Variants in PUS7L observed in about 807,000 individuals in gnomAD.
PUS7L encodes pseudouridylate synthase PUS7L.
In PUS7L, 49 loss-of-function variants were observed where a neutral mutation model predicts 51.1. The observed-to-expected ratio is 0.96, with a 90% confidence interval of 0.76 to 1.22. PUS7L has a LOEUF of 1.22. Ranked by LOEUF, PUS7L falls within the 50% of genes most tolerant of loss-of-function variation. The probability of loss-of-function intolerance (pLI) is 0.00; values close to 1 mark genes in which losing one functional copy is unlikely to be tolerated. For missense variants in PUS7L, 828 were observed against 820.6 expected (o/e 1.01, Z -0.11); for synonymous variants, 277 against 276.2 (o/e 1.00, Z -0.03).
Position 43,754,643 on chromosome 12 carries a change from A to G in PUS7L, c.603T>C (p.Leu201=), listed in dbSNP as rs762387813. 3.1e-6 allele frequency: 5 copies of G among 1,613,620 alleles called. No individual in the cohort carries two copies. In the South Asian group the frequency reaches 5.5e-5, roughly 18 times the overall value. The part of the protein sequence containing the change: ...KNSEIVVKPN[L]EYKELCHLVS... ...CCAAATGACAAAGTTCTTTATATTC[A>G]AGATTTGGTTTTACAACAATTTCAC... Residue 201 remains leucine, a synonymous_variant, in exon 2 of 9, where the codon CTT becomes CTC. Transcript: ENST00000344862.
intron 1 of PUS7L, 197 bp downstream of exon 1, chr12:43,758,533 G>C (rs1938985272): frequency 1.0e-6 from 1 of 985,826 alleles, no homozygotes; most frequent in Non-Finnish European, 1.2e-6. Flanking sequence ...TCCCCGACAA[G>C]GCCAGCAGCT....
chr12:43,750,114 C>T (rs1157978902), intron 2 of PUS7L, among the ~76,000 whole-genome samples: 1 of 152,194 alleles, frequency 6.6e-6, no homozygotes, highest in Admixed American at 6.5e-5. Context: ...TCTTGAAGGT[C>T]CAACAGCAGC....
At chr12:43,731,059 C>G (rs987985779) in intron 8 of PUS7L, among the ~76,000 whole-genome samples, 5 of 152,144 alleles carry the variant, frequency 3.3e-5, no homozygotes, top group African/African-American at 9.7e-5. Flanking sequence ...CTCTACTGCT[C>G]AGTCACATTA....
chr12:43,756,682 C>T (rs1433588750), intron 1 of PUS7L, among the ~76,000 whole-genome samples: 10 of 152,310 alleles, frequency 6.6e-5, no homozygotes, highest in East Asian at 3.9e-4. Flanking sequence ...TCCACTGTCA[C>T]GGTCATAACT....
At chr12:43,758,523 TC>T (rs989316990) in intron 1 of PUS7L, 2 of 985,558 alleles carry the variant, frequency 2.0e-6, no homozygotes, top group African/African-American at 1.7e-5. Flanking sequence ...TCCAAAGGTG[TC>T]CCCGACAAGG....
At chr12:43,748,169 AT>A (rs1275783184) in intron 3 of PUS7L, among the ~76,000 whole-genome samples, 1 of 152,200 alleles carries the variant, frequency 6.6e-6, no homozygotes, top group Non-Finnish European at 1.5e-5. Flanking sequence ...TAATAAATAT[AT>A]GTCTTTTACA....
intron 4 of PUS7L, 61 bp from the exon 5 acceptor site, chr12:43,742,616 C>T: frequency 6.7e-7 from 1 of 1,483,410 alleles, no homozygotes; most frequent in South Asian, 1.3e-5. Flanking sequence ...TGTCAAAATA[C>T]ACAATTGAAT....
In PUS7L at chr12:43,754,896, T is replaced by C; in HGVS notation, c.350A>G (p.Lys117Arg). 6.2e-7 allele frequency: 1 copy of C among 1,613,870 alleles called. No individual in the cohort carries two copies. Among genetic ancestry groups the C allele is most frequent in the South Asian group, 1.1e-5 (1 of 91,054 alleles). The change falls in exon 2 of 9, where the codon AAA (lysine) becomes AGA (arginine). Residue 117 changes from lysine to arginine, a missense_variant. By Grantham distance (26) the Lys-to-Arg change is conservative. Transcript: ENST00000344862. Reference sequence around the variant, plus strand: ...TAAAACATCAGCTTTTTCTTCACATTTGGAAGTTCCATCAACGATAGTATC... The same window carrying C: ...TAAAACATCAGCTTTTTCTTCACATCTGGAAGTTCCATCAACGATAGTATC... ...KEDTIVDGTS[K>R]CEEKADVLSS...
At chr12:43,741,475 C>T (rs1372681198) in intron 5 of PUS7L, among the ~76,000 whole-genome samples, 2 of 152,188 alleles carry the variant, frequency 1.3e-5, no homozygotes, top group Non-Finnish European at 2.9e-5. Flanking sequence ...ACACATGTGA[C>T]AAATGGCAGA....
chr12:43,748,449 C>T lies in PUS7L; in HGVS notation c.1070+1G>A, dbSNP rs1938277597. The T allele has an allele frequency of 1.3e-6, 2 of 1,576,904 alleles. No individual in the cohort carries two copies. The highest frequency in any genetic ancestry group is 4.5e-5 in the East Asian group (2 of 44,668). On this transcript the variant is annotated splice_donor_variant, in intron 3 of 8. Coordinates refer to ENST00000344862, the MANE Select transcript of PUS7L (RefSeq NM_031292.5). LOFTEE classifies it high-confidence loss of function. ...CCTAAAATTTCTTAATATCTTATTACCTCTCTGGAGTCACTTTTCTAACAA... is the reference window on the plus strand; with the variant it reads ...CCTAAAATTTCTTAATATCTTATTATCTCTCTGGAGTCACTTTTCTAACAA...
At chr12:43,747,554 C>T (rs1027299000) in intron 3 of PUS7L, among the ~76,000 whole-genome samples, 27 of 151,868 alleles carry the variant, frequency 1.8e-4, no homozygotes, top group African/African-American at 6.5e-4. Flanking sequence ...ATTAGCCAGG[C>T]ATGGTGGTGG....
In PUS7L at chr12:43,742,559, T is replaced by C. The variant is rs1198575362; in HGVS notation, c.1264-4A>G. 2.5e-6 allele frequency: 4 copies of C among 1,590,036 alleles called. No individual in the cohort carries two copies. In the South Asian group the frequency reaches 3.4e-5, roughly 14 times the overall value. On this transcript the variant is annotated splice_polypyrimidine_tract_variant and splice_region_variant and intron_variant, in intron 4 of 8. Transcript: ENST00000344862. ...AGTAATTCACAAAGCCTTTTTTCTA[T>C]GTATACAAAATAATCAACAAATTAA...
At chr12:43,753,565 T>C (rs1034124915) in intron 2 of PUS7L, among the ~76,000 whole-genome samples, 2 of 152,184 alleles carry the variant, frequency 1.3e-5, no homozygotes, top group African/African-American at 4.8e-5. Context: ...ATTTATTAAA[T>C]ATGATCATCT....
rs570470946 is a variant in PUS7L at position 43,724,589 on chromosome 12, T to C, written c.*5787A>G. 3.9e-5 allele frequency: 6 copies of C among 152,246 alleles called. No homozygotes were observed. In the East Asian group the frequency reaches 1.2e-3, roughly 29 times the overall value. 9.4% of individuals were successfully genotyped at this position (152,246 alleles called of 1,614,324 possible). On this transcript the variant is annotated 3_prime_UTR_variant, in exon 9 of 9. Transcript: ENST00000344862. ...CATAATGTCTCAAATTTGTATATAT[T>C]TCATAATTTTGTTTGATGCAATACT...
intron 2 of PUS7L, among the ~76,000 whole-genome samples, chr12:43,753,824 A>G (rs935765164): frequency 1.3e-5 from 2 of 152,182 alleles, no homozygotes; most frequent in African/African-American, 4.8e-5. Context: ...TATGCATGCT[A>G]AAGTTTCAGA....
At position 43,754,848 on chromosome 12, in the gene PUS7L, GT is replaced by G; in HGVS notation, c.397del (p.Thr133LeufsTer5). ...DVLSSFLDEK[T>X]HELLNNFACD... ...GGCAAAATTATTCAGTAACTCATGA[GT>G]TTTTTCATCCAAAAAGGAGCTTAAA... On this transcript the variant is annotated frameshift_variant, in exon 2 of 9. Coordinates refer to ENST00000344862, the MANE Select transcript of PUS7L (RefSeq NM_031292.5). LOFTEE classifies it high-confidence loss of function. 1.2e-6 allele frequency: 2 copies of G among 1,613,588 alleles called. No individual in the cohort carries two copies. Among genetic ancestry groups the G allele is most frequent in the Non-Finnish European group, 1.7e-6 (2 of 1,179,786 alleles).
chr12:43,757,270 G>T (rs183564866), intron 1 of PUS7L, among the ~76,000 whole-genome samples: 1 of 151,998 alleles, frequency 6.6e-6, no homozygotes, highest in Non-Finnish European at 1.5e-5. Context: ...TCCCGAGTTC[G>T]AGCGATTCTC....
chr12:43,736,708 G>A, intron 6 of PUS7L, 47 bp from the exon 7 acceptor site: 1 of 1,550,674 alleles, frequency 6.4e-7, no homozygotes, highest in South Asian at 1.2e-5. Flanking sequence ...TTTATTTAAA[G>A]GCCAGTTATA....
In PUS7L at chr12:43,720,305, G is replaced by A. The variant is rs550358306; in HGVS notation, c.*10071C>T. 2 of 152,260 alleles carry A rather than the reference G, an allele frequency of 1.3e-5. No homozygotes were observed. The highest frequency in any genetic ancestry group is 1.9e-4 in the East Asian group (1 of 5,190). The allele number at this position is 152,260 out of a possible 1,614,324, so 9.4% of individuals were successfully genotyped here. On this transcript the variant is annotated 3_prime_UTR_variant, in exon 9 of 9. Transcript: ENST00000344862. ...TTGAGACCAGCATGGCCAACATGGTGAAATCCCATCTCTAATAAAAATACA... is the reference window on the plus strand; with the variant it reads ...TTGAGACCAGCATGGCCAACATGGTAAAATCCCATCTCTAATAAAAATACA...
Sources: allele counts gnomAD v4.1 joint callset (sites outside exome capture counted in the v4.1 genomes callset), GRCh38; gene constraint gnomAD v4.1.1; transcripts MANE v1.5; gene names NCBI Gene and HGNC (gene_info 2026-07-23, HGNC 2026-07-21).